MSN: variants seen among roughly 807,000 people sequenced by gnomAD.
MSN encodes the protein epididymis luminal protein 70.
A neutral mutation model predicts 48.0 loss-of-function variants in MSN; 2 were observed. That is an observed-to-expected ratio of 0.04 (90% CI 0.02 to 0.13). The LOEUF (loss-of-function observed/expected upper bound fraction) is 0.13, where lower values mean the gene tolerates loss of function less well. MSN is among the 10% of genes least tolerant of loss of function. The probability of loss-of-function intolerance (pLI) is 1.00; values close to 1 mark genes in which losing one functional copy is unlikely to be tolerated. For missense variants in MSN, 267 were observed against 470.1 expected (o/e 0.57, Z 3.99); for synonymous variants, 146 against 166.9 (o/e 0.87, Z 0.97).
At chrX:65,720,167 A>T (rs2071503626) in intron 2 of MSN, among the ~76,000 whole-genome samples, 1 of 112,144 alleles carries the variant, frequency 8.9e-6, no homozygotes. Context: ...TAGGCGCTTT[A>T]ATCCTCACAA....
intron 1 of MSN, among the ~76,000 whole-genome samples, chrX:65,642,290 CA>C: frequency 9.2e-6 from 1 of 109,133 alleles, no homozygotes; most frequent in East Asian, 2.9e-4. Context: ...CAAAGATGCC[CA>C]AGAATACTGT....
chrX:65,649,481 C>A (rs1460653228), intron 1 of MSN, among the ~76,000 whole-genome samples: 2 of 100,785 alleles, frequency 2.0e-5, no homozygotes, highest in Non-Finnish European at 4.0e-5. Flanking sequence ...GAGGCTGAGG[C>A]AGGAGATTTG....
chrX:65,647,696 A>T (rs1036021746), intron 1 of MSN, among the ~76,000 whole-genome samples: 1 of 111,998 alleles, frequency 8.9e-6, no homozygotes, highest in African/African-American at 3.2e-5. Flanking sequence ...TTCATGGGGG[A>T]TGGATTGGAG....
chrX:65,595,164 A>T lies in MSN; in HGVS notation c.-22+6552A>T, dbSNP rs149810199. ...CCAGGCATACATTTTATCTTCTCTG[A>T]GGAGGGAAGGGAGTAGATGGGGATG... is the stretch of plus-strand genomic sequence containing the variant. On this transcript the variant is annotated intron_variant, in intron 1 of 3. Transcript: ENST00000609672. Among the ~76,000 whole-genome samples the T allele has an allele frequency of 5.7e-3, 635 of 112,273 alleles. 7 individuals are homozygous for T. Among genetic ancestry groups the T allele is most frequent in the African/African-American group, 0.02 (605 of 30,913 alleles).
chrX:65,710,838 G>A (rs758504578), intron 1 of MSN, among the ~76,000 whole-genome samples: 3 of 108,653 alleles, frequency 2.8e-5, no homozygotes, highest in African/African-American at 1.0e-4. Flanking sequence ...AGCCTCCAGA[G>A]TAGCTGGGAC....
intron 1 of MSN, among the ~76,000 whole-genome samples, chrX:65,647,989 CAGTT>C (rs1341457508): frequency 9.0e-6 from 1 of 111,152 alleles, no homozygotes; most frequent in Non-Finnish European, 1.9e-5. Context: ...GTGGGAAAAT[CAGTT>C]AGGAACCTGA....
chrX:65,712,234 C>T (rs761219514), intron 1 of MSN, among the ~76,000 whole-genome samples: 2 of 111,723 alleles, frequency 1.8e-5, no homozygotes, highest in Non-Finnish European at 3.8e-5. Flanking sequence ...CTTGTTCCTG[C>T]CTTCAGGGCC....
rs1039852243 is a variant in MSN, at chrX:65,741,669, G to A, written c.*1776G>A. The A allele has an allele frequency of 5.9e-6, 1 of 168,338 alleles. No individual in the cohort carries two copies. The highest frequency in any genetic ancestry group is 3.0e-5 in the African/African-American group (1 of 33,224). 13.9% of individuals were successfully genotyped at this position (168,338 alleles called of 1,213,427 possible). ...CCCCCCACTCTGTGCCTGACCTTGAGGAGTCTTGTGTGCATTGCTGTGAAT... is the reference window on the plus strand; with the variant it reads ...CCCCCCACTCTGTGCCTGACCTTGAAGAGTCTTGTGTGCATTGCTGTGAAT... On this transcript the variant is annotated 3_prime_UTR_variant, in exon 13 of 13. Transcript: ENST00000360270.
At chrX:65,616,978 T>A (rs918284129) in intron 1 of MSN, among the ~76,000 whole-genome samples, 1 of 110,290 alleles carries the variant, frequency 9.1e-6, no homozygotes, top group Non-Finnish European at 1.9e-5. Context: ...GTGGTTTTTG[T>A]CTTTGGCTCT....
chrX:65,696,074 CA>C (rs1345068327), intron 1 of MSN, among the ~76,000 whole-genome samples: 3 of 111,450 alleles, frequency 2.7e-5, no homozygotes, highest in Non-Finnish European at 5.6e-5. Context: ...TCACCTTCCC[CA>C]TTATGGCCTG....
At chrX:65,662,457 T>C (rs2070831032) in intron 1 of MSN, among the ~76,000 whole-genome samples, 1 of 111,648 alleles carries the variant, frequency 9.0e-6, no homozygotes, top group Admixed American at 9.5e-5. Context: ...TGGAACAGAA[T>C]ATATAGAAAA....
chrX:65,702,267 C>T lies in MSN; in HGVS notation c.13-14551C>T, dbSNP rs770608430. Among the ~76,000 whole-genome samples the T allele has an allele frequency of 2.8e-5, 3 of 105,334 alleles. No homozygotes were observed. The East Asian group carries it at 9.6e-4, about 34-fold the overall frequency. 91.5% of individuals were successfully genotyped at this position (105,334 alleles called of 115,157 possible). A position where few individuals can be genotyped will look rare whatever the true frequency, so the allele number is the denominator to read the frequency against. ...GCCTCAAGTGATCTGCCCGCCTTGGCCTCCCAAAGTGTTGGGATTACAGGC... is the reference window on the plus strand; with the variant it reads ...GCCTCAAGTGATCTGCCCGCCTTGGTCTCCCAAAGTGTTGGGATTACAGGC... On this transcript the variant is annotated intron_variant, in intron 1 of 12. Coordinates refer to ENST00000360270, the MANE Select transcript of MSN (RefSeq NM_002444.3).
intron 1 of MSN, among the ~76,000 whole-genome samples, chrX:65,599,589 C>T (rs921754902): frequency 1.8e-5 from 2 of 112,630 alleles, no homozygotes; most frequent in East Asian, 2.8e-4. Context: ...GCCGAGATAG[C>T]GCCATGACAC....
intron 1 of MSN, among the ~76,000 whole-genome samples, chrX:65,645,600 A>G (rs1284854895): frequency 9.0e-6 from 1 of 111,340 alleles, no homozygotes; most frequent in Non-Finnish European, 1.9e-5. Context: ...GAAAAAGATT[A>G]TAAAACTGAG....
At chrX:65,608,471 AG>A (rs2070295248) in intron 1 of MSN, among the ~76,000 whole-genome samples, 1 of 110,476 alleles carries the variant, frequency 9.1e-6, no homozygotes, top group East Asian at 2.8e-4. Flanking sequence ...GCGAAGTGTC[AG>A]GGGAGGGAAA....
chrX:65,681,059 T>G (rs1023353484), intron 1 of MSN, among the ~76,000 whole-genome samples: 1 of 111,423 alleles, frequency 9.0e-6, no homozygotes, highest in Admixed American at 9.6e-5. Flanking sequence ...CCATGATTTT[T>G]TTTTTAACTG....
Position 65,732,003 on chromosome X carries a change from T to C in MSN, c.698+19T>C, listed in dbSNP as rs892009048. The C allele has an allele frequency of 2.5e-6, 3 of 1,196,035 alleles. No individual in the cohort carries two copies. Among genetic ancestry groups the C allele is most frequent in the Non-Finnish European group, 3.4e-6 (3 of 886,080 alleles). ...ATGACAGGTATATCTCAGATCTCTT[T>C]TAGTTTATTTAGGTCACGTTAACAT... On this transcript the variant is annotated intron_variant, in intron 6 of 12. Coordinates refer to ENST00000360270, the MANE Select transcript of MSN (RefSeq NM_002444.3).
upstream of MSN, among the ~76,000 whole-genome samples, chrX:65,666,150 G>A (rs182859411): frequency 2.8e-5 from 3 of 108,565 alleles, no homozygotes; most frequent in East Asian, 2.9e-4. Flanking sequence ...CTGGAACTAC[G>A]TGCCATCACA....
upstream of MSN, among the ~76,000 whole-genome samples, chrX:65,665,292 C>T (rs1421367355): frequency 8.9e-6 from 1 of 111,752 alleles, no homozygotes; most frequent in East Asian, 2.8e-4. Flanking sequence ...CCTTGAACAT[C>T]TGGTGGAAAA....
Sources: allele counts gnomAD v4.1 joint callset (sites outside exome capture counted in the v4.1 genomes callset), GRCh38; gene constraint gnomAD v4.1.1; transcripts MANE v1.5; gene names NCBI Gene and HGNC (gene_info 2026-07-23, HGNC 2026-07-21).